Variants in DGKD observed in about 807,000 individuals in gnomAD.
DGKD encodes the protein DAG kinase delta.
DGKD carries 68 observed loss-of-function variants against 154.4 expected under a neutral mutation model. That is an observed-to-expected ratio of 0.44 (90% CI 0.36 to 0.54). DGKD has a LOEUF of 0.54. DGKD is among the 20% of genes least tolerant of loss of function. DGKD has a pLI of 0.00. For missense variants in DGKD, 1,343 were observed against 1,593.6 expected, an observed-to-expected ratio of 0.84 and a Z score of 2.68; for synonymous variants, 693 against 638.0, an observed-to-expected ratio of 1.09 and a Z score of -1.30.
At chr2:233,379,392 G>T (rs902210760) in intron 1 of DGKD, among the ~76,000 whole-genome samples, 2 of 152,120 alleles carry the variant, frequency 1.3e-5, no homozygotes, top group African/African-American at 4.8e-5. Flanking sequence ...TGAGAGAGGA[G>T]CCTCTCAGAT....
At chr2:233,374,989 C>G (rs554382039) in intron 1 of DGKD, among the ~76,000 whole-genome samples, 7 of 152,240 alleles carry the variant, frequency 4.6e-5, no homozygotes, top group African/African-American at 1.7e-4. Flanking sequence ...GTTTTATTTA[C>G]ACACTTGAAA....
chr2:233,419,292 C>G (rs2062042933), intron 3 of DGKD: 1 of 985,428 alleles, frequency 1.0e-6, no homozygotes, highest in Non-Finnish European at 1.2e-6. Context: ...CTCCAGCGTT[C>G]CTGCTCTACT....
intron 3 of DGKD, among the ~76,000 whole-genome samples, chr2:233,423,557 C>T (rs528759645): frequency 4.0e-4 from 61 of 152,190 alleles, no homozygotes; most frequent in Admixed American, 7.2e-4. Context: ...CTTGTGCTGT[C>T]GGGGGTGAGG....
intron 3 of DGKD, among the ~76,000 whole-genome samples, chr2:233,405,958 A>G (rs1173932178): frequency 1.3e-5 from 2 of 152,224 alleles, no homozygotes; most frequent in African/African-American, 4.8e-5. Flanking sequence ...GCAAATTATC[A>G]GATAACATGA....
Position 233,449,897 on chromosome 2 carries a change from T to A in DGKD, c.1889-85T>A. 1 of 1,449,726 alleles carries A rather than the reference T, an allele frequency of 6.9e-7. No individual in the cohort carries two copies. Among genetic ancestry groups the A allele is most frequent in the Non-Finnish European group, 9.2e-7 (1 of 1,084,038 alleles). The allele number at this position is 1,449,726 out of a possible 1,614,324, so 89.8% of individuals were successfully genotyped here. A position where few individuals can be genotyped will look rare whatever the true frequency, so the allele number is the denominator to read the frequency against. On this transcript the variant is annotated intron_variant, in intron 15 of 29. Coordinates refer to ENST00000264057, the MANE Select transcript of DGKD (RefSeq NM_152879.3). The surrounding 1 kb of genome is among the most constrained non-coding windows in gnomAD (Gnocchi z 5.3). ...GTTTGAGGAAGATCAGGCCGTGGGG[T>A]GAGGATGAGGGGCCCTCCACCCAGC...
chr2:233,396,928 G>C (rs538811755), intron 3 of DGKD, among the ~76,000 whole-genome samples: 2 of 127,968 alleles, frequency 1.6e-5, no homozygotes, highest in Admixed American at 7.8e-5. Flanking sequence ...CAGCGTGGCT[G>C]GGGGGGGCCA....
intron 3 of DGKD, among the ~76,000 whole-genome samples, chr2:233,424,429 A>G (rs1396862970): frequency 6.6e-6 from 1 of 152,224 alleles, no homozygotes; most frequent in Non-Finnish European, 1.5e-5. Flanking sequence ...AAACCTGGTC[A>G]GAGTGGGAGG....
chr2:233,386,018 T>C, intron 1 of DGKD: 1 of 470,382 alleles, frequency 2.1e-6, no homozygotes, highest in Non-Finnish European at 4.4e-6. Flanking sequence ...TGTGTAAGTA[T>C]GTGGTGCAGT....
intron 24 of DGKD, among the ~76,000 whole-genome samples, chr2:233,460,867 G>C (rs1302642698): frequency 6.6e-6 from 1 of 152,038 alleles, no homozygotes; most frequent in East Asian, 1.9e-4. Flanking sequence ...ACTCCAACCT[G>C]GGCGACAGAG....
chr2:233,440,275 G>A lies in DGKD; in HGVS notation c.1086-1612G>A, dbSNP rs1200748500. 2.6e-5 allele frequency among the ~76,000 whole-genome samples: 4 copies of A among 152,168 alleles called. No individual in the cohort carries two copies. Among genetic ancestry groups the A allele is most frequent in the Admixed American group, 2.6e-4 (4 of 15,284 alleles). ...CTGTCACCTCTTCTCCCGAGAGCAG[G>A]GGGCCTTACAGGTGTCAGTGTTCTG... On this transcript the variant is annotated intron_variant, in intron 9 of 29. Transcript: ENST00000264057. This position sits in a 1 kb window ranked among gnomAD's most constrained non-coding sequence, Gnocchi z 4.9.
rs143531399 is a variant in DGKD at position 233,441,647 on chromosome 2, G to A, written c.1086-240G>A. On this transcript the variant is annotated intron_variant, in intron 9 of 29. Transcript: ENST00000264057. The surrounding 1 kb of genome is among the most constrained non-coding windows in gnomAD (Gnocchi z 5.6). ...GCTCACCAAGCTGAGTGGTCTTGTCGCTGGGTGGGGCGTGGCTGGTGGGAG... is the reference window on the plus strand; with the variant it reads ...GCTCACCAAGCTGAGTGGTCTTGTCACTGGGTGGGGCGTGGCTGGTGGGAG... Among the ~76,000 whole-genome samples, 14 of 151,838 alleles carry A rather than the reference G, an allele frequency of 9.2e-5. No individual in the cohort carries two copies. The highest frequency in any genetic ancestry group is 3.1e-4 in the African/African-American group (13 of 41,518).
intron 1 of DGKD, among the ~76,000 whole-genome samples, chr2:233,367,848 T>TTC (rs748052980): frequency 5.5e-5 from 6 of 108,588 alleles, no homozygotes; most frequent in Admixed American, 3.8e-4. Context: ...CTCTTTTTTT[T>TTC]TTCTTTTTTT....
intron 24 of DGKD, 38 bp downstream of exon 24, chr2:233,460,383 C>A: frequency 6.2e-7 from 1 of 1,609,064 alleles, no homozygotes; most frequent in Non-Finnish European, 8.5e-7. Flanking sequence ...ATGAGCCTCC[C>A]CCAGGGTCCC....
At chr2:233,413,761 G>A (rs561922209) in intron 3 of DGKD, among the ~76,000 whole-genome samples, 14 of 152,362 alleles carry the variant, frequency 9.2e-5, no homozygotes, top group African/African-American at 2.6e-4. Flanking sequence ...CCTGCATGCC[G>A]TGCCCTCCCA....
intron 3 of DGKD, among the ~76,000 whole-genome samples, chr2:233,393,405 C>T (rs1056204522): frequency 6.7e-4 from 97 of 144,330 alleles, no homozygotes; most frequent in Non-Finnish European, 1.4e-3. Flanking sequence ...GCTGTGATCT[C>T]GGCTCATGGC....
chr2:233,383,973 T>C (rs927581994), intron 1 of DGKD, among the ~76,000 whole-genome samples: 3 of 152,188 alleles, frequency 2.0e-5, no homozygotes, highest in Non-Finnish European at 4.4e-5. Flanking sequence ...TGAGATACTC[T>C]GTAGCCGGTA....
intron 19 of DGKD, 64 bp from the exon 20 acceptor site, chr2:233,456,835 A>G (rs1011565402): frequency 7.9e-7 from 1 of 1,269,724 alleles, no homozygotes; most frequent in Non-Finnish European, 1.1e-6. Context: ...TTTCACAGAA[A>G]TGACTCTGGT....
Position 233,422,717 on chromosome 2 carries a change from C to T in DGKD, c.349-11663C>T, listed in dbSNP as rs144328872. 3.0e-3 allele frequency among the ~76,000 whole-genome samples: 460 copies of T among 152,286 alleles called. 1 individual carries two copies. The highest frequency in any genetic ancestry group is 5.3e-3 in the Non-Finnish European group (359 of 68,024). ...TACTCCTTGGTTTTCCCAGTTTAAA[C>T]TTAAATATTGTTGATGGTGGTTACT... is the stretch of plus-strand genomic sequence containing the variant. On this transcript the variant is annotated intron_variant, in intron 3 of 29. Coordinates refer to ENST00000264057, the MANE Select transcript of DGKD (RefSeq NM_152879.3).
chr2:233,363,721 A>G (rs562418444), intron 1 of DGKD, among the ~76,000 whole-genome samples: 6 of 152,320 alleles, frequency 3.9e-5, no homozygotes, highest in South Asian at 4.1e-4. Context: ...CTTTTATGAC[A>G]TATTTTTACT....
Sources: gnomAD v4.1 joint callset for allele counts (sites outside exome capture counted in the v4.1 genomes callset) on GRCh38, gnomAD v4.1.1 for gene constraint, Gnocchi (gnomAD v3.1) non-coding constraint, MANE v1.5 for transcripts, NCBI Gene and HGNC (gene_info 2026-07-23, HGNC 2026-07-21) for gene names.